TSNAX: variants seen among roughly 807,000 people sequenced by gnomAD.
The protein encoded by TSNAX is translin-associated protein X.
In TSNAX, 12 loss-of-function variants were observed where a neutral mutation model predicts 33.0. That is an observed-to-expected ratio of 0.36 (90% CI 0.23 to 0.59). TSNAX has a LOEUF of 0.59. TSNAX is among the 20% of genes least tolerant of loss of function. The pLI is 0.74. For missense variants in TSNAX, 267 were observed against 341.3 expected, an observed-to-expected ratio of 0.78 and a Z score of 1.72; for synonymous variants, 110 against 117.2, an observed-to-expected ratio of 0.94 and a Z score of 0.40.
chr1:231,550,889 G>C (rs1253669435), intron 4 of TSNAX, among the ~76,000 whole-genome samples: 2 of 152,092 alleles, frequency 1.3e-5, no homozygotes, highest in Non-Finnish European at 2.9e-5. Flanking sequence ...ATGATACTTT[G>C]CATATCAAAT....
Position 231,564,770 on chromosome 1 carries a change from G to C in TSNAX, c.738G>C (p.Leu246Phe). 6.2e-7 allele frequency: 1 copy of C among 1,614,178 alleles called. No homozygotes were observed. The highest frequency in any genetic ancestry group is 1.6e-4 in the Middle Eastern group (1 of 6,062). Residue 246 changes from leucine to phenylalanine, a missense_variant, in exon 6 of 6, where the codon TTG becomes TTC. By Grantham distance (22) the Leu-to-Phe change is conservative. Around this residue, in one of 2 missense-constraint regions of TSNAX, gnomAD observed 67 missense variants for 127.2 expected, o/e 0.53. Transcript: ENST00000366639. ...PYEVSKKLYT[L>F]KQSLAKVENA... is the part of the protein sequence containing the mutation. Reference sequence around the variant, plus strand: ...AGGTTTCTAAGAAGCTGTATACCTTGAAACAAAGTTTGGCCAAAGTGGAGA... The same window carrying C: ...AGGTTTCTAAGAAGCTGTATACCTTCAAACAAAGTTTGGCCAAAGTGGAGA...
At chr1:231,543,976 G>A (rs1353251803) in intron 4 of TSNAX, among the ~76,000 whole-genome samples, 2 of 152,326 alleles carry the variant, frequency 1.3e-5, no homozygotes, top group East Asian at 3.9e-4. Context: ...GTGGGAAGAA[G>A]GGTGAAGTAA....
chr1:231,535,833 G>T (rs1347189038), intron 2 of TSNAX: 1 of 152,186 alleles, frequency 6.6e-6, no homozygotes, highest in Non-Finnish European at 1.5e-5. Flanking sequence ...GGAAAAGGAT[G>T]TATGAAAGTG....
At position 231,565,974 on chromosome 1, in the gene TSNAX, A is replaced by G. The variant is rs1047579540; in HGVS notation, c.*1069A>G. On this transcript the variant is annotated 3_prime_UTR_variant, in exon 6 of 6. Coordinates refer to ENST00000366639, the MANE Select transcript of TSNAX (RefSeq NM_005999.3). ...GTTGAGTTATATACTTGTACATACA[A>G]TGGAAATGCTTTTAGTAGTGATTAT... is the stretch of plus-strand genomic sequence containing the variant. 1 of 152,090 alleles carries G rather than the reference A, an allele frequency of 6.6e-6. No individual in the cohort carries two copies. The highest frequency in any genetic ancestry group is 2.4e-5 in the African/African-American group (1 of 41,424). 9.4% of individuals were successfully genotyped at this position (152,090 alleles called of 1,614,324 possible).
At chr1:231,561,030 T>A (rs1661080866) in intron 4 of TSNAX, 98 bp from the exon 5 acceptor site, 1 of 1,257,104 alleles carries the variant, frequency 8.0e-7, no homozygotes. Flanking sequence ...ATTAAGCTTT[T>A]TTTTGAACTA....
At chr1:231,562,442 A>G (rs994879707) in intron 5 of TSNAX, among the ~76,000 whole-genome samples, 1 of 152,052 alleles carries the variant, frequency 6.6e-6, no homozygotes, top group Non-Finnish European at 1.5e-5. Flanking sequence ...TTAAGGAGGA[A>G]ATTTATTTTG....
At chr1:231,550,659 CTT>C (rs775555754) in intron 4 of TSNAX, among the ~76,000 whole-genome samples, 8 of 152,174 alleles carry the variant, frequency 5.3e-5, no homozygotes, top group Non-Finnish European at 7.3e-5. Context: ...CACAGATTTT[CTT>C]TCTTTTCTTC....
chr1:231,547,215 T>G (rs189046571), intron 4 of TSNAX, among the ~76,000 whole-genome samples: 4 of 152,224 alleles, frequency 2.6e-5, no homozygotes, highest in Admixed American at 2.6e-4. Context: ...GAGAAGACTT[T>G]TAGTTCTACT....
chr1:231,560,097 A>G (rs1660961964), intron 4 of TSNAX, among the ~76,000 whole-genome samples: 1 of 150,994 alleles, frequency 6.6e-6, no homozygotes, highest in Non-Finnish European at 1.5e-5. Flanking sequence ...CTCCTGCCTC[A>G]GCCTCCTGTG....
rs1470212290 is a variant in TSNAX at position 231,564,493 on chromosome 1, G to T, written c.496-35G>T. On this transcript the variant is annotated intron_variant, in intron 5 of 5. Coordinates refer to ENST00000366639, the MANE Select transcript of TSNAX (RefSeq NM_005999.3). ...ACAGTGTTCTTTCTTGTGTGTGTGT[G>T]TGTGTGTTTTTGTTTTGTTTTGTTT... 9 of 1,589,484 alleles carry T rather than the reference G, an allele frequency of 5.7e-6. No homozygotes were observed. The African/African-American group carries it at 1.1e-4, about 19-fold the overall frequency.
chr1:231,544,023 CT>C (rs1659744586), intron 4 of TSNAX, among the ~76,000 whole-genome samples: 1 of 152,086 alleles, frequency 6.6e-6, no homozygotes, highest in East Asian at 1.9e-4. Flanking sequence ...ATGAGAATAT[CT>C]TTATAATAGT....
At chr1:231,563,821 T>G (rs1052208704) in intron 5 of TSNAX, among the ~76,000 whole-genome samples, 1 of 152,104 alleles carries the variant, frequency 6.6e-6, no homozygotes, top group African/African-American at 2.4e-5. Flanking sequence ...TTTGAAATTG[T>G]GTTTGAAGAG....
chr1:231,563,914 AT>A (rs560000831), intron 5 of TSNAX, among the ~76,000 whole-genome samples: 2 of 151,442 alleles, frequency 1.3e-5, no homozygotes, highest in African/African-American at 4.8e-5. Context: ...TGTGATTACC[AT>A]TTTTTTTTAA....
chr1:231,532,131 A>ACACACACACACACAC (rs1231238804), intron 2 of TSNAX, among the ~76,000 whole-genome samples: 2 of 85,150 alleles, frequency 2.3e-5, no homozygotes, highest in Non-Finnish European at 4.1e-5. Context: ...TAGTGGTAAT[A>ACACACACACACACAC]ACACACACAC....
chr1:231,531,405 AACGTGGTTTCTGC>A (rs746290065), intron 2 of TSNAX, among the ~76,000 whole-genome samples: 2 of 152,334 alleles, frequency 1.3e-5, no homozygotes, highest in Middle Eastern at 3.4e-3. Context: ...GTGAACAAGA[AACGTGGTTTCTGC>A]TTTCATAAGT....
At chr1:231,552,672 C>A (rs922322105) in intron 4 of TSNAX, among the ~76,000 whole-genome samples, 4 of 152,160 alleles carry the variant, frequency 2.6e-5, no homozygotes, top group African/African-American at 9.7e-5. Flanking sequence ...ATGTACTTAT[C>A]ACTGTCTAAT....
chr1:231,533,118 G>A (rs1255913440), intron 2 of TSNAX, among the ~76,000 whole-genome samples: 2 of 149,094 alleles, frequency 1.3e-5, no homozygotes, highest in Admixed American at 1.3e-4. Context: ...CCAGACTGGC[G>A]TGCAGTGGTG....
At chr1:231,540,196 A>C (rs1019770126) in intron 3 of TSNAX, among the ~76,000 whole-genome samples, 6 of 151,098 alleles carry the variant, frequency 4.0e-5, no homozygotes, top group Non-Finnish European at 5.9e-5. Context: ...AAAAAAAAAA[A>C]AACTTTATGA....
rs745744924 is a variant in TSNAX at position 231,532,131 on chromosome 1, A to AACACACACACACACACACACACAC, written c.121+2804_121+2827dup. Among the ~76,000 whole-genome samples, 509 of 85,130 alleles carry AACACACACACACACACACACACAC rather than the reference A, an allele frequency of 6.0e-3. 19 individuals carry two copies. The highest frequency in any genetic ancestry group is 0.026 in the East Asian group (36 of 1,404). 55.8% of individuals were successfully genotyped at this position (85,130 alleles called of 152,430 possible). ...CGTTAATTAGCTTAATAGTGGTAAT[A>AACACACACACACACACACACACAC]ACACACACACACACACACACACACA... is the stretch of plus-strand genomic sequence containing the variant. On this transcript the variant is annotated intron_variant, in intron 2 of 5. Coordinates refer to ENST00000366639, the MANE Select transcript of TSNAX (RefSeq NM_005999.3).
Sources: gnomAD v4.1 joint callset for allele counts (sites outside exome capture counted in the v4.1 genomes callset) on GRCh38, gnomAD v4.1.1 for gene constraint, gnomAD v4.1.1 regional missense constraint, MANE v1.5 for transcripts, NCBI Gene and HGNC (gene_info 2026-07-23, HGNC 2026-07-21) for gene names.